Variants in CTNNA2 observed in about 807,000 individuals in gnomAD.
CTNNA2 encodes catenin alpha-2.
CTNNA2 carries 42 observed loss-of-function variants against 101.0 expected under a neutral mutation model. The ratio of observed to expected loss-of-function variants is 0.42; its 90% confidence interval spans 0.32 to 0.54. The LOEUF (loss-of-function observed/expected upper bound fraction) is 0.54. CTNNA2 is among the 20% of genes least tolerant of loss of function. The pLI, the probability that CTNNA2 is intolerant of heterozygous loss-of-function variation, is 0.14. For synonymous variants in CTNNA2, 450 were observed against 456.4 expected (o/e 0.99, Z 0.18); for missense variants, 871 against 1,223.1 (o/e 0.71, Z 4.29).
At chr2:79,208,375 G>A (rs1045086193) in intron 2 of CTNNA2, among the ~76,000 whole-genome samples, 1 of 152,196 alleles carries the variant, frequency 6.6e-6, no homozygotes, top group East Asian at 1.9e-4. Context: ...AGATGGGAAA[G>A]GATATGTTTG....
chr2:80,195,926 A>G (rs1462637425), intron 7 of CTNNA2, among the ~76,000 whole-genome samples: 1 of 152,184 alleles, frequency 6.6e-6, no homozygotes, highest in Non-Finnish European at 1.5e-5. Context: ...CAAACTGTAG[A>G]AAAGACAAGG....
chr2:80,024,909 G>C (rs1025748739), intron 7 of CTNNA2, among the ~76,000 whole-genome samples: 1 of 152,180 alleles, frequency 6.6e-6, no homozygotes, highest in Non-Finnish European at 1.5e-5. Context: ...CAAATGAATT[G>C]AAAGATGGTG....
intron 7 of CTNNA2, among the ~76,000 whole-genome samples, chr2:79,967,929 T>G (rs954603525): frequency 6.6e-6 from 1 of 152,224 alleles, no homozygotes; most frequent in African/African-American, 2.4e-5. Flanking sequence ...AAGAACATTA[T>G]GCTATATAAA....
chr2:79,491,553 G>C lies in CTNNA2; in HGVS notation c.-134-13501G>C, dbSNP rs1671207398. ...TAAACAATCCCTGGAAGAGTTGAAG[G>C]GCTTGGCTCTAGACAGGGTCCAGAG... On this transcript the variant is annotated intron_variant, in intron 4 of 21. Coordinates refer to the CTNNA2 transcript ENST00000466387. 2.0e-5 allele frequency among the ~76,000 whole-genome samples: 3 copies of C among 152,096 alleles called. No homozygotes were observed. In the South Asian group the frequency reaches 6.2e-4, roughly 31 times the overall value.
intron 2 of CTNNA2, among the ~76,000 whole-genome samples, chr2:79,659,169 T>C (rs1039000081): frequency 6.7e-6 from 1 of 150,130 alleles, no homozygotes; most frequent in Non-Finnish European, 1.5e-5. Flanking sequence ...CAGAAATAAA[T>C]GAACACTTAG....
intron 7 of CTNNA2, among the ~76,000 whole-genome samples, chr2:80,295,448 A>AT (rs960427010): frequency 2.6e-5 from 4 of 151,760 alleles, no homozygotes; most frequent in Non-Finnish European, 2.9e-5. Flanking sequence ...CTCTCAGTGA[A>AT]TTTTTTTTTA....
chr2:80,576,154 C>G (rs1192612687), intron 13 of CTNNA2: 2 of 152,060 alleles, frequency 1.3e-5, no homozygotes, highest in Non-Finnish European at 2.9e-5. Context: ...TTTTCTTTTC[C>G]CAAAAACAAT....
intron 7 of CTNNA2, among the ~76,000 whole-genome samples, chr2:80,002,430 G>A (rs1693016443): frequency 6.6e-6 from 1 of 152,162 alleles, no homozygotes; most frequent in Non-Finnish European, 1.5e-5. Context: ...GTGGAAAATG[G>A]ATGCTCTAAA....
In CTNNA2 at chr2:80,116,278, A is replaced by G. The variant is rs549949577; in HGVS notation, c.1056+206481A>G. Among the ~76,000 whole-genome samples the G allele has an allele frequency of 4.0e-5, 6 of 151,782 alleles. No homozygotes were observed. The South Asian group carries it at 1.3e-3, about 32-fold the overall frequency. ...GGCTATAGTTTACCATGTGTTTAGA[A>G]TATGGACTGTGTTCTGGCTGTTACA... On this transcript the variant is annotated intron_variant, in intron 7 of 18. Coordinates refer to ENST00000402739, the MANE Select transcript of CTNNA2 (RefSeq NM_001282597.3).
intron 9 of CTNNA2, among the ~76,000 whole-genome samples, chr2:80,526,950 A>G (rs1223323432): frequency 6.6e-6 from 1 of 152,042 alleles, no homozygotes. Flanking sequence ...CATTTTTTGA[A>G]ATTTGGGAGG....
intron 7 of CTNNA2, among the ~76,000 whole-genome samples, chr2:80,391,976 C>G (rs183435597): frequency 8.8e-4 from 134 of 152,036 alleles, no homozygotes; most frequent in Admixed American, 2.2e-3. Context: ...TAATGAAAAC[C>G]CTATAGGGCT....
At chr2:79,760,287 ATGTGTGTGTG>A (rs72350498) in intron 3 of CTNNA2, among the ~76,000 whole-genome samples, 2 of 149,638 alleles carry the variant, frequency 1.3e-5, no homozygotes, top group African/African-American at 2.4e-5. Context: ...TACATATAAA[ATGTGTGTGTG>A]TGTGTGTGTG....
chr2:79,674,642 T>G (rs952816078), intron 2 of CTNNA2, among the ~76,000 whole-genome samples: 3 of 152,148 alleles, frequency 2.0e-5, no homozygotes, highest in African/African-American at 7.2e-5. Context: ...AGTTCTCTAG[T>G]ATGTAGACCG....
At chr2:79,602,309 A>G (rs2116025) in intron 1 of CTNNA2, among the ~76,000 whole-genome samples, 3 of 152,206 alleles carry the variant, frequency 2.0e-5, no homozygotes, top group African/African-American at 4.8e-5. Context: ...TTAACTGCCC[A>G]TATAAAGTAC....
rs1558607090 is a variant in CTNNA2, at chr2:79,880,185, G to A, written c.852+5843G>A. On this transcript the variant is annotated intron_variant, in intron 6 of 18. Coordinates refer to ENST00000402739, the MANE Select transcript of CTNNA2 (RefSeq NM_001282597.3). ...GATGAAGCTGACTTGGTCATGGAGG[G>A]TAAGTTTTTTATGTGCTGCTGGATT... Among the ~76,000 whole-genome samples, 4 of 152,020 alleles carry A rather than the reference G, an allele frequency of 2.6e-5. No individual in the cohort carries two copies. The South Asian group carries it at 8.3e-4, about 32-fold the overall frequency.
chr2:80,435,818 T>G (rs959038337), intron 9 of CTNNA2, among the ~76,000 whole-genome samples: 1 of 152,234 alleles, frequency 6.6e-6, no homozygotes. Context: ...AATCTACCTT[T>G]AGTTTTACTT....
chr2:80,585,642 A>G (rs558761216), intron 14 of CTNNA2, among the ~76,000 whole-genome samples: 49 of 152,178 alleles, frequency 3.2e-4, no homozygotes, highest in Admixed American at 2.8e-3. Flanking sequence ...GCTGGCTTCT[A>G]TTTTTTTCTA....
chr2:79,671,891 C>A lies in CTNNA2; in HGVS notation c.102+20233C>A, dbSNP rs189827900. On this transcript the variant is annotated intron_variant, in intron 2 of 18. Transcript: ENST00000402739. ...CTATCAGCTAAAGGTAAAAGGTTTT[C>A]TTTTCTGTAGGCAGATTAACAATAT... 9.2e-5 allele frequency among the ~76,000 whole-genome samples: 14 copies of A among 152,294 alleles called. No individual in the cohort carries two copies. The East Asian group carries it at 2.7e-3, about 29-fold the overall frequency.
chr2:79,453,626 T>C (rs750313198), intron 4 of CTNNA2, among the ~76,000 whole-genome samples: 5 of 152,174 alleles, frequency 3.3e-5, no homozygotes, highest in Non-Finnish European at 5.9e-5. Context: ...TCCATAGATG[T>C]GGCCAGCCAG....
Sources: allele counts gnomAD v4.1 joint callset (sites outside exome capture counted in the v4.1 genomes callset), GRCh38; gene constraint gnomAD v4.1.1; transcripts MANE v1.5; gene names NCBI Gene and HGNC (gene_info 2026-07-23, HGNC 2026-07-21).